The following H2BC5 variants were observed in gnomAD, a reference collection of about 807,000 sequenced individuals.
The protein encoded by H2BC5 is histone H2B type 1-D.
Under a neutral mutation model 5.7 loss-of-function variants are expected in H2BC5, and 9 were observed. That is an observed-to-expected ratio of 1.57 (90% confidence interval 0.95 to 2.74). The LOEUF (loss-of-function observed/expected upper bound fraction) is 2.74. H2BC5 is among the 30% of genes most tolerant of loss of function. The pLI, the probability that H2BC5 is intolerant of heterozygous loss-of-function variation, is 0.00. For missense variants in H2BC5, 175 were observed against 168.8 expected (o/e 1.04, Z -0.20); for synonymous variants, 133 against 70.9 (o/e 1.88, Z -4.40).
chr6:26,158,337 T>A lies in H2BC5; in HGVS notation c.168T>A (p.Ser56=). ...LKQVHPDTGI[S]SKAMGIMNSF... is the part of the protein sequence containing the mutation. ...AGGTCCATCCCGACACCGGCATCTC[T>A]TCCAAGGCAATGGGGATCATGAATT... The change falls in exon 1 of 1, where the codon TCT becomes TCA. Residue 56 remains serine, a synonymous_variant. Coordinates refer to ENST00000377777, the MANE Select transcript of H2BC5 (RefSeq NM_021063.4). The A allele has an allele frequency of 6.2e-7, 1 of 1,614,272 alleles. No homozygotes were observed. Among genetic ancestry groups the A allele is most frequent in the South Asian group, 1.1e-5 (1 of 91,090 alleles).
downstream of H2BC5, chr6:26,160,984 G>T (rs1465663606): frequency 6.6e-6 from 1 of 152,146 alleles, no homozygotes; most frequent in African/African-American, 2.4e-5. Context: ...GAGGCAGGCG[G>T]ATCACCTGAG....
exon 2 of H2BC5, chr6:26,171,000 A>T (rs979117504): frequency 6.6e-6 from 1 of 152,202 alleles, no homozygotes; most frequent in Non-Finnish European, 1.5e-5. Context: ...ACAGAGGAGA[A>T]ATGAATGCAT....
At chr6:26,167,589 A>G (rs1469042009) in intron 1 of H2BC5, among the ~76,000 whole-genome samples, 1 of 152,210 alleles carries the variant, frequency 6.6e-6, no homozygotes, top group African/African-American at 2.4e-5. Flanking sequence ...TGAGGAGAAG[A>G]GCCAAGGAAG....
chr6:26,161,713 A>G (rs1764353894), downstream of H2BC5, among the ~76,000 whole-genome samples: 1 of 152,206 alleles, frequency 6.6e-6, no homozygotes, highest in African/African-American at 2.4e-5. Flanking sequence ...TCAAGGCTGC[A>G]GAGAGCCATG....
In H2BC5 at chr6:26,158,257, C is replaced by T. The variant is rs762757301; in HGVS notation, c.88C>T (p.Arg30Cys). 6.2e-7 allele frequency: 1 copy of T among 1,614,128 alleles called. No individual in the cohort carries two copies. Among genetic ancestry groups the T allele is most frequent in the East Asian group, 2.2e-5 (1 of 44,900 alleles). ...TKAQKKDGKK[R>C]KRSRKESYSV... The stretch of plus-strand genomic sequence containing the variant: ...GGCTCAGAAGAAGGACGGGAAGAAG[C>T]GCAAGCGCAGCCGCAAGGAGAGCTA... Residue 30 changes from arginine to cysteine, a missense_variant, in exon 1 of 1, where the codon CGC becomes TGC. By Grantham distance (180) the Arg-to-Cys change is radical. Transcript: ENST00000377777.
At chr6:26,162,890 T>C (rs1247289825), downstream of H2BC5, among the ~76,000 whole-genome samples, 1 of 152,202 alleles carries the variant, frequency 6.6e-6, no homozygotes, top group African/African-American at 2.4e-5. Flanking sequence ...GTATGATTTA[T>C]GAATTTTATT....
downstream of H2BC5, among the ~76,000 whole-genome samples, chr6:26,160,318 C>A (rs557102331): frequency 2.6e-5 from 4 of 152,192 alleles, no homozygotes; most frequent in South Asian, 8.3e-4. Context: ...ATTGCCACAG[C>A]TAAAATATCC....
intron 1 of H2BC5, among the ~76,000 whole-genome samples, chr6:26,167,721 C>G (rs940880370): frequency 6.6e-6 from 1 of 151,838 alleles, no homozygotes; most frequent in South Asian, 2.1e-4. Context: ...TTCCCCAGCC[C>G]CCACCCTCTC....
Position 26,163,922 on chromosome 6 carries a change from TGA to T in H2BC5, c.*9+5365_*9+5366del, listed in dbSNP as rs141194775. 988 of 236,644 alleles carry T rather than the reference TGA, an allele frequency of 4.2e-3. 13 individuals carry two copies. Among genetic ancestry groups the T allele is most frequent in the African/African-American group, 0.021 (936 of 43,682 alleles). 14.7% of individuals were successfully genotyped at this position (236,644 alleles called of 1,614,324 possible). On this transcript the variant is annotated intron_variant, in intron 1 of 1. Transcript: ENST00000289316. The stretch of plus-strand genomic sequence containing the variant: ...TCCCAAGTAGCTGAGACTACAGGTG[TGA>T]GCCATTTCCTCCGGCACATGTTATT...
At chr6:26,166,814 C>T (rs961280915) in intron 1 of H2BC5, among the ~76,000 whole-genome samples, 1 of 143,174 alleles carries the variant, frequency 7.0e-6, no homozygotes, top group East Asian at 2.1e-4. Flanking sequence ...ATTCTTCTGT[C>T]TTAGCCTCCC....
chr6:26,159,247 T>TG (rs1181054633), downstream of H2BC5, among the ~76,000 whole-genome samples: 3 of 120,264 alleles, frequency 2.5e-5, no homozygotes, highest in South Asian at 3.4e-4. Flanking sequence ...TTATAGGTTT[T>TG]TTTTTTTTTT....
chr6:26,170,418 A>G (rs889245326), intron 1 of H2BC5, among the ~76,000 whole-genome samples: 1 of 152,196 alleles, frequency 6.6e-6, no homozygotes, highest in Admixed American at 6.5e-5. Context: ...AAAGTGCACA[A>G]ATATCTATAA....
intron 1 of H2BC5, among the ~76,000 whole-genome samples, chr6:26,167,301 T>C (rs1764447193): frequency 6.6e-6 from 1 of 152,168 alleles, no homozygotes; most frequent in Non-Finnish European, 1.5e-5. Context: ...GGTTTGTCCA[T>C]GCCAACACAA....
chr6:26,166,932 C>T (rs946754919), intron 1 of H2BC5, among the ~76,000 whole-genome samples: 73 of 151,586 alleles, frequency 4.8e-4, no homozygotes, highest in African/African-American at 1.6e-3. Flanking sequence ...AACTCCTGAC[C>T]TCAGGTGATC....
At chr6:26,162,975 C>A (rs1764372809), downstream of H2BC5, among the ~76,000 whole-genome samples, 3 of 151,938 alleles carry the variant, frequency 2.0e-5, no homozygotes, top group African/African-American at 7.3e-5. Flanking sequence ...AGATAGATTT[C>A]TTTGTGTTGA....
At chr6:26,169,280 G>C (rs895871132) in intron 1 of H2BC5, among the ~76,000 whole-genome samples, 1 of 152,120 alleles carries the variant, frequency 6.6e-6, no homozygotes, top group African/African-American at 2.4e-5. Context: ...CACTGGCTTG[G>C]GCGCTGCATA....
downstream of H2BC5, among the ~76,000 whole-genome samples, chr6:26,158,986 T>G (rs1450189632): frequency 6.6e-6 from 1 of 152,212 alleles, no homozygotes; most frequent in Non-Finnish European, 1.5e-5. Flanking sequence ...CCGCCCATTT[T>G]CTTGTAAAAT....
intron 1 of H2BC5, among the ~76,000 whole-genome samples, chr6:26,168,559 T>A (rs755344824): frequency 6.6e-6 from 1 of 152,174 alleles, no homozygotes. Flanking sequence ...TTACCTTTTT[T>A]ATATTTGAAA....
chr6:26,161,562 G>C (rs1412323637), downstream of H2BC5, among the ~76,000 whole-genome samples: 6 of 152,098 alleles, frequency 3.9e-5, no homozygotes, highest in African/African-American at 1.4e-4. Flanking sequence ...CTTGAGCCCA[G>C]GAGTTGGAGA....
Sources: allele counts gnomAD v4.1 joint callset (sites outside exome capture counted in the v4.1 genomes callset), GRCh38; gene constraint gnomAD v4.1.1; transcripts MANE v1.5; gene names NCBI Gene and HGNC (gene_info 2026-07-23, HGNC 2026-07-21).